LRRTM3: variants seen among roughly 807,000 people sequenced by gnomAD.
LRRTM3 encodes the protein leucine rich repeat transmembrane neuronal 3.
In LRRTM3, 24 loss-of-function variants were observed where a neutral mutation model predicts 44.7. The observed-to-expected ratio is 0.54, with a 90% CI of 0.39 to 0.76. LRRTM3 has a LOEUF of 0.76. LRRTM3 is among the 30% of genes least tolerant of loss of function. The pLI, the probability that LRRTM3 is intolerant of heterozygous loss-of-function variation, is 0.00. For synonymous variants in LRRTM3, 277 were observed against 278.7 expected, an observed-to-expected ratio of 0.99 and a Z score of 0.06; for missense variants, 587 against 702.2, an observed-to-expected ratio of 0.84 and a Z score of 1.85.
chr10:67,001,906 C>T (rs1451431035), intron 2 of LRRTM3, among the ~76,000 whole-genome samples: 1 of 152,192 alleles, frequency 6.6e-6, no homozygotes, highest in Non-Finnish European at 1.5e-5. Context: ...ACATTTGCTA[C>T]AACCAGGCAT....
intron 2 of LRRTM3, among the ~76,000 whole-genome samples, chr10:67,077,368 A>C (rs1040238224): frequency 1.3e-5 from 2 of 152,176 alleles, no homozygotes; most frequent in African/African-American, 2.4e-5. Flanking sequence ...AAAATTTATA[A>C]AATGGTCCAC....
intron 2 of LRRTM3, among the ~76,000 whole-genome samples, chr10:67,073,325 A>C (rs922500340): frequency 1.3e-5 from 2 of 152,210 alleles, no homozygotes; most frequent in Non-Finnish European, 2.9e-5. Flanking sequence ...TTAATTGGCT[A>C]AATTTTGAAA....
intron 2 of LRRTM3, among the ~76,000 whole-genome samples, chr10:66,979,071 T>G (rs1157665031): frequency 6.6e-6 from 1 of 150,904 alleles, no homozygotes; most frequent in African/African-American, 2.4e-5. Flanking sequence ...CTCAAGAGAT[T>G]CTCCTGCCTC....
chr10:67,049,091 A>G (rs540115925), intron 2 of LRRTM3, among the ~76,000 whole-genome samples: 75 of 151,262 alleles, frequency 5.0e-4, no homozygotes, highest in African/African-American at 1.7e-3. Flanking sequence ...AATGACATTT[A>G]TAACTTGTGG....
intron 2 of LRRTM3, among the ~76,000 whole-genome samples, chr10:66,974,806 T>A (rs1376494629): frequency 1.3e-5 from 2 of 149,462 alleles, no homozygotes; most frequent in Non-Finnish European, 2.9e-5. Context: ...AACCATTTGT[T>A]TTTTTTTTTC....
chr10:66,928,340 G>A lies in LRRTM3; in HGVS notation c.1424G>A (p.Ser475Asn). 6.2e-7 allele frequency: 1 copy of A among 1,614,132 alleles called. No individual in the cohort carries two copies. The highest frequency in any genetic ancestry group is 8.5e-7 in the Non-Finnish European group (1 of 1,180,040). The stretch of plus-strand genomic sequence containing the variant: ...CAGTCCCTAAAGCAAATGACTCCCA[G>A]CACCCAGGAATTTTATGTAGATTAT... ...KRQSLKQMTP[S>N]TQEFYVDYKP... The change falls in exon 2 of 3, where the codon AGC (serine) becomes AAC (asparagine). Residue 475 changes from serine to asparagine, a missense_variant. Physicochemically the swap from Ser to Asn is conservative, Grantham distance 46. This residue lies in a region of LRRTM3 where 315 missense variants were observed against 335.6 expected (regional missense o/e 0.94). Coordinates refer to ENST00000361320, the MANE Select transcript of LRRTM3 (RefSeq NM_178011.5).
chr10:66,975,044 G>T (rs1849952629), intron 2 of LRRTM3, among the ~76,000 whole-genome samples: 1 of 152,048 alleles, frequency 6.6e-6, no homozygotes, highest in South Asian at 2.1e-4. Flanking sequence ...TGAGTAATCT[G>T]GTATTTTAGA....
intron 2 of LRRTM3, among the ~76,000 whole-genome samples, chr10:66,983,378 G>C (rs1160374064): frequency 1.3e-5 from 2 of 152,144 alleles, no homozygotes; most frequent in African/African-American, 4.8e-5. Flanking sequence ...CAACTAATGT[G>C]TCTGTGTTTA....
intron 2 of LRRTM3, among the ~76,000 whole-genome samples, chr10:66,974,103 T>C (rs7919694): frequency 5.9e-5 from 9 of 152,212 alleles, no homozygotes; most frequent in African/African-American, 1.7e-4. Context: ...AGTCTTCTTA[T>C]GCCCTACCAG....
At chr10:67,086,679 A>G (rs1208516219) in intron 2 of LRRTM3, among the ~76,000 whole-genome samples, 1 of 152,010 alleles carries the variant, frequency 6.6e-6, no homozygotes, top group Admixed American at 6.6e-5. Flanking sequence ...ACACACAAAC[A>G]TAAATGCCAA....
At chr10:66,974,264 C>T (rs1264349987) in intron 2 of LRRTM3, among the ~76,000 whole-genome samples, 1 of 152,202 alleles carries the variant, frequency 6.6e-6, no homozygotes, top group Non-Finnish European at 1.5e-5. Flanking sequence ...CTTCTGGTGA[C>T]ATAGGCTGGA....
At chr10:67,050,757 G>A (rs1197786193) in intron 2 of LRRTM3, among the ~76,000 whole-genome samples, 2 of 152,280 alleles carry the variant, frequency 1.3e-5, no homozygotes, top group Middle Eastern at 3.4e-3. Context: ...TATTTACTTC[G>A]ATTTGTAGCT....
intron 2 of LRRTM3, among the ~76,000 whole-genome samples, chr10:67,096,579 G>A (rs1333854922): frequency 6.6e-6 from 1 of 151,822 alleles, no homozygotes; most frequent in African/African-American, 2.4e-5. Context: ...AGGACTGAAG[G>A]TTCCTGAAAT....
intron 2 of LRRTM3, among the ~76,000 whole-genome samples, chr10:67,053,091 A>T (rs1445673315): frequency 1.3e-5 from 2 of 152,178 alleles, no homozygotes; most frequent in Non-Finnish European, 2.9e-5. Flanking sequence ...AACATGAAGA[A>T]CTTTGTAATA....
At chr10:66,939,436 T>C (rs1180810397) in intron 2 of LRRTM3, among the ~76,000 whole-genome samples, 1 of 152,130 alleles carries the variant, frequency 6.6e-6, no homozygotes, top group Non-Finnish European at 1.5e-5. Flanking sequence ...TTATCTCTCA[T>C]GAAAGCAATA....
At chr10:67,074,275 C>G (rs555517936) in intron 2 of LRRTM3, among the ~76,000 whole-genome samples, 68 of 151,376 alleles carry the variant, frequency 4.5e-4, no homozygotes, top group Middle Eastern at 3.4e-3. Context: ...CATGATCTGC[C>G]CGCCTTGGCC....
chr10:66,978,552 A>AAAAAAAAATATAT, intron 2 of LRRTM3, among the ~76,000 whole-genome samples: 2 of 37,882 alleles, frequency 5.3e-5, no homozygotes, highest in East Asian at 1.7e-3. Flanking sequence ...AAAAAAAAAA[A>AAAAAAAAATATAT]ATATATATAT....
intron 2 of LRRTM3, among the ~76,000 whole-genome samples, chr10:66,990,657 T>C: frequency 6.6e-6 from 1 of 152,100 alleles, no homozygotes; most frequent in East Asian, 1.9e-4. Flanking sequence ...ACCAGATAAG[T>C]GTCCTTTTCT....
intron 2 of LRRTM3, among the ~76,000 whole-genome samples, chr10:67,070,384 C>A (rs1207451015): frequency 6.6e-6 from 1 of 152,060 alleles, no homozygotes; most frequent in East Asian, 1.9e-4. Context: ...TTTTGATGAA[C>A]AAAAGTTCTT....
Sources: gnomAD v4.1 joint callset for allele counts (sites outside exome capture counted in the v4.1 genomes callset) on GRCh38, gnomAD v4.1.1 for gene constraint, gnomAD v4.1.1 regional missense constraint, MANE v1.5 for transcripts, NCBI Gene and HGNC (gene_info 2026-07-23, HGNC 2026-07-21) for gene names.